The following OR6Y1 variants were observed in gnomAD, a reference collection of about 807,000 sequenced individuals.
The protein encoded by OR6Y1 is olfactory receptor 6Y1.
A neutral mutation model predicts 0.4 loss-of-function variants in OR6Y1; 1 was observed. The ratio of observed to expected loss-of-function variants is 2.74; its 90% CI spans 0.97 to 13.02. The LOEUF is 13.02. Among genes scored for constraint, OR6Y1 ranks in the 30% most tolerant of loss-of-function variants. The probability of loss-of-function intolerance (pLI) is 0.12; values close to 1 mark genes in which losing one functional copy is unlikely to be tolerated. For missense variants in OR6Y1, 480 were observed against 399.8 expected, an observed-to-expected ratio of 1.20 and a Z score of -1.71; for synonymous variants, 173 against 141.1, an observed-to-expected ratio of 1.23 and a Z score of -1.60.
At chr1:158,549,920 T>C (rs10797026) in intron 1 of OR6Y1, among the ~76,000 whole-genome samples, 77,593 of 151,470 alleles carry the variant, frequency 0.51, 20,642 homozygotes, top group African/African-American at 0.62. Context: ...TCTCTTACTA[T>C]ATCACCACCA....
In OR6Y1 at chr1:158,548,306, T is replaced by G; in HGVS notation, c.-201A>C. ...AATTTAGGGAGCTTATATTTTAACTTGTTTTCAGATTTTCTCAAGAGCAGT... is the reference window on the plus strand; with the variant it reads ...AATTTAGGGAGCTTATATTTTAACTGGTTTTCAGATTTTCTCAAGAGCAGT... On this transcript the variant is annotated 5_prime_UTR_variant, in exon 2 of 2. Transcript: ENST00000641622. 3.6e-6 allele frequency: 2 copies of G among 550,814 alleles called. No homozygotes were observed. The highest frequency in any genetic ancestry group is 3.1e-6 in the Non-Finnish European group (1 of 318,282). The allele number at this position is 550,814 out of a possible 1,614,324, so 34.1% of individuals were successfully genotyped here. A position where few individuals can be genotyped will look rare whatever the true frequency, so the allele number is the denominator to read the frequency against.
In OR6Y1 at chr1:158,547,916, T is replaced by C. The variant is rs144804623; in HGVS notation, c.190A>G (p.Met64Val). ...GAGAGGTGGCTCAAGAAGAAGTACATGGGCTTATGCAGCTGCCCATCACTG... is the reference window on the plus strand; with the variant it reads ...GAGAGGTGGCTCAAGAAGAAGTACACGGGCTTATGCAGCTGCCCATCACTG... Reference protein sequence around the residue: ...IHSDGQLHKPMYFFLSHLSFL... With the variant: ...IHSDGQLHKPVYFFLSHLSFL... The change falls in exon 2 of 2, where the codon ATG (methionine) becomes GTG (valine). Residue 64 changes from methionine to valine, a missense_variant. Coordinates refer to ENST00000641622, the MANE Select transcript of OR6Y1 (RefSeq NM_001005189.2). 1,657 of 1,613,378 alleles carry C rather than the reference T, an allele frequency of 1.0e-3. 1 individual carries two copies. The highest frequency in any genetic ancestry group is 1.3e-3 in the Non-Finnish European group (1,531 of 1,180,000).
At chr1:158,551,985 C>G (rs1451254636) in intron 1 of OR6Y1, among the ~76,000 whole-genome samples, 7 of 152,044 alleles carry the variant, frequency 4.6e-5, no homozygotes. Context: ...ATAAGAGAAA[C>G]TTTTGATTTG....
Position 158,547,809 on chromosome 1 carries a change from G to A in OR6Y1, c.297C>T (p.Phe99=). ...DFLSHDKSIS[F]NGCMTQLYFF... is the part of the protein sequence containing the mutation. ...AGTAAAGTTGAGTCATGCAGCCATT[G>A]AAGGAAATACTCTTGTCATGACTGA... The change falls in exon 2 of 2, where the codon TTC becomes TTT. Residue 99 remains phenylalanine, a synonymous_variant. Transcript: ENST00000641622. 6.2e-7 allele frequency: 1 copy of A among 1,613,574 alleles called. No individual in the cohort carries two copies. The highest frequency in any genetic ancestry group is 8.5e-7 in the Non-Finnish European group (1 of 1,179,988).
rs1647596314 is a variant in OR6Y1, at chr1:158,547,887, G to A, written c.219C>T (p.Phe73=). 1 of 1,613,328 alleles carries A rather than the reference G, an allele frequency of 6.2e-7. No homozygotes were observed. Among genetic ancestry groups the A allele is most frequent in the Non-Finnish European group, 8.5e-7 (1 of 1,179,846 alleles). Residue 73 remains phenylalanine (F), a synonymous_variant, in exon 2 of 2, where the codon TTC becomes TTT. Transcript: ENST00000641622. The part of the protein sequence containing the change: ...PMYFFLSHLS[F]LEMWYVTVIS... Reference sequence around the variant, plus strand: ...TGACTGTGACATACCACATCTCCAGGAAGGAGAGGTGGCTCAAGAAGAAGT... The same window carrying A: ...TGACTGTGACATACCACATCTCCAGAAAGGAGAGGTGGCTCAAGAAGAAGT...
intron 1 of OR6Y1, among the ~76,000 whole-genome samples, chr1:158,552,229 G>GATATATAT (rs1173136153): frequency 6.4e-5 from 8 of 125,218 alleles, no homozygotes; most frequent in Non-Finnish European, 1.0e-4. Context: ...TATGTATGGA[G>GATATATAT]ATATATATAT....
chr1:158,549,974 G>A (rs985916977), intron 1 of OR6Y1, among the ~76,000 whole-genome samples: 1 of 151,712 alleles, frequency 6.6e-6, no homozygotes, highest in Non-Finnish European at 1.5e-5. Context: ...AGCTATTGAG[G>A]GTAGTATTAC....
chr1:158,550,266 G>A (rs1647668296), intron 1 of OR6Y1, among the ~76,000 whole-genome samples: 1 of 150,694 alleles, frequency 6.6e-6, no homozygotes, highest in Non-Finnish European at 1.5e-5. Flanking sequence ...CAGACATGAA[G>A]CTGGAAATAA....
intron 1 of OR6Y1, among the ~76,000 whole-genome samples, chr1:158,552,764 A>G (rs891941879): frequency 4.6e-5 from 7 of 152,162 alleles, no homozygotes; most frequent in Non-Finnish European, 7.4e-5. Context: ...TCTTCTACTA[A>G]TTCCTGCAGG....
In OR6Y1 at chr1:158,547,212, C is replaced by A; in HGVS notation, c.894G>T (p.Arg298Ser). The change falls in exon 2 of 2, where the codon AGG becomes AGT. Residue 298 changes from arginine (R) to serine (S), a missense_variant. By Grantham distance (110) the Arg-to-Ser change is moderately radical (BLOSUM62 -1). Transcript: ENST00000641622. The part of the protein sequence containing the change: ...PLLNPIIYCL[R>S]NHEVKAALRK... ...TGAGGGCTGCCTTTACTTCATGGTT[C>A]CTCAGACAGTAAATGATGGGGTTGA... The A allele has an allele frequency of 1.2e-6, 2 of 1,613,584 alleles. No homozygotes were observed. Among genetic ancestry groups the A allele is most frequent in the African/African-American group, 1.3e-5 (1 of 74,612 alleles).
rs1221874605 is a variant in OR6Y1, at chr1:158,550,354, T to C, written c.-1432-817A>G. Among the ~76,000 whole-genome samples, 6 of 151,448 alleles carry C rather than the reference T, an allele frequency of 4.0e-5. No individual in the cohort carries two copies. In the East Asian group the frequency reaches 9.7e-4, roughly 24 times the overall value. ...TTTCACAGAACTATGCATTCATTCA[T>C]TCTTCTTCTAATTCCAGCAGAGTCC... On this transcript the variant is annotated intron_variant, in intron 1 of 1. Coordinates refer to ENST00000641622, the MANE Select transcript of OR6Y1 (RefSeq NM_001005189.2).
At position 158,547,716 on chromosome 1, in the gene OR6Y1, G is replaced by A; in HGVS notation, c.390C>T (p.Ala130=). The change falls in exon 2 of 2, where the codon GCC becomes GCT. Residue 130 remains alanine, a synonymous_variant. Coordinates refer to ENST00000641622, the MANE Select transcript of OR6Y1 (RefSeq NM_001005189.2). ...CTGGGTAGCGTAGTGGATTACAAAT[G>A]GCTACATAGCGGTCAAAGGCCATGA... is the stretch of plus-strand genomic sequence containing the variant. ...LAIMAFDRYV[A]ICNPLRYPVI... 1 of 1,613,528 alleles carries A rather than the reference G, an allele frequency of 6.2e-7. No individual in the cohort carries two copies. The highest frequency in any genetic ancestry group is 2.2e-5 in the East Asian group (1 of 44,864).
chr1:158,552,833 C>A (rs1647737132), intron 1 of OR6Y1, among the ~76,000 whole-genome samples: 1 of 152,116 alleles, frequency 6.6e-6, no homozygotes, highest in Non-Finnish European at 1.5e-5. Context: ...CTTGGACCCT[C>A]AATAGGCATT....
In OR6Y1 at chr1:158,548,600, T is replaced by A. The variant is rs75775105; in HGVS notation, c.-495A>T. 0.081 allele frequency: 12,442 copies of A among 154,380 alleles called. 676 individuals are homozygous for A. The highest frequency in any genetic ancestry group is 0.12 in the Non-Finnish European group (8,568 of 69,708). 9.6% of individuals were successfully genotyped at this position (154,380 alleles called of 1,614,324 possible). A position where few individuals can be genotyped will look rare whatever the true frequency, so the allele number is the denominator to read the frequency against. On this transcript the variant is annotated 5_prime_UTR_variant, in exon 2 of 2. It adds an upstream start codon to the 5' untranslated region. Transcript: ENST00000641622. ...TTCTTGCTTGTGTCTAACAATGTGC[T>A]TAAGCTTGAATGAAGCAATAGTTGA... is the stretch of plus-strand genomic sequence containing the variant.
rs758321025 is a variant in OR6Y1 at position 158,547,462 on chromosome 1, G to C, written c.644C>G (p.Pro215Arg). 8 of 1,613,568 alleles carry C rather than the reference G, an allele frequency of 5.0e-6. No individual in the cohort carries two copies. The Admixed American group carries it at 1.3e-4, about 27-fold the overall frequency. ...FFLALMVIAI[P>R]LCVVVASYAA... ...GTAGGATGCCACCACAACACAAAGA[G>C]GAATAGCAATGACCATGAGGGCCAA... Residue 215 changes from proline to arginine, a missense_variant, in exon 2 of 2, where the codon CCT becomes CGT. Coordinates refer to ENST00000641622, the MANE Select transcript of OR6Y1 (RefSeq NM_001005189.2).
At chr1:158,550,319 G>A (rs202124110) in intron 1 of OR6Y1, among the ~76,000 whole-genome samples, 2 of 107,044 alleles carry the variant, frequency 1.9e-5, no homozygotes, top group African/African-American at 8.6e-5. Flanking sequence ...AGTAAATAAA[G>A]TGGGGATATT....
In OR6Y1 at chr1:158,548,428, C is replaced by T. The variant is rs1403383811; in HGVS notation, c.-323G>A. ...CACTTTTGGGCACATAAATGGTCTCCAGACCACCCTTTCACTACAGGCAAA... is the reference window on the plus strand; with the variant it reads ...CACTTTTGGGCACATAAATGGTCTCTAGACCACCCTTTCACTACAGGCAAA... On this transcript the variant is annotated 5_prime_UTR_variant, in exon 2 of 2. The change creates a premature stop within an existing upstream ORF in the 5' untranslated region. Transcript: ENST00000641622. 1.9e-5 allele frequency: 4 copies of T among 206,804 alleles called. No homozygotes were observed. Among genetic ancestry groups the T allele is most frequent in the Non-Finnish European group, 3.9e-5 (4 of 102,340 alleles). The allele number at this position is 206,804 out of a possible 1,614,324, so 12.8% of individuals were successfully genotyped here.
chr1:158,547,801 C>T lies in OR6Y1; in HGVS notation c.305G>A (p.Cys102Tyr), dbSNP rs149059042. 6.2e-6 allele frequency: 10 copies of T among 1,613,356 alleles called. No individual in the cohort carries two copies. The Admixed American group carries it at 1.5e-4, about 24-fold the overall frequency. The part of the protein sequence containing the change: ...SHDKSISFNG[C>Y]MTQLYFFVTF... ...CACAAAAAAGTAAAGTTGAGTCATG[C>T]AGCCATTGAAGGAAATACTCTTGTC... The change falls in exon 2 of 2, where the codon TGC (cysteine) becomes TAC (tyrosine). Residue 102 changes from cysteine to tyrosine, a missense_variant. Cys to Tyr is a radical substitution (Grantham distance 194). Transcript: ENST00000641622.
In OR6Y1 at chr1:158,547,856, G is replaced by T. The variant is rs151192296; in HGVS notation, c.250C>A (p.Pro84Thr). The T allele has an allele frequency of 1.9e-6, 3 of 1,613,552 alleles. No homozygotes were observed. The highest frequency in any genetic ancestry group is 2.5e-6 in the Non-Finnish European group (3 of 1,180,006). The change falls in exon 2 of 2, where the codon CCC (proline) becomes ACC (threonine). Residue 84 changes from proline to threonine, a missense_variant. Coordinates refer to ENST00000641622, the MANE Select transcript of OR6Y1 (RefSeq NM_001005189.2). ...LEMWYVTVIS[P>T]KMLVDFLSHD... ...CTGAGGAAGTCAACAAGCATCTTGG[G>T]GCTGATGACTGTGACATACCACATC... is the stretch of plus-strand genomic sequence containing the variant.
Sources: allele counts gnomAD v4.1 joint callset (sites outside exome capture counted in the v4.1 genomes callset), GRCh38; gene constraint gnomAD v4.1.1; transcripts MANE v1.5; gene names NCBI Gene and HGNC (gene_info 2026-07-23, HGNC 2026-07-21).